ANK3: variants seen among roughly 807,000 people sequenced by gnomAD.
ANK3 encodes the protein ankyrin-3.
ANK3 carries 57 observed loss-of-function variants against 370.9 expected under a neutral mutation model. The ratio of observed to expected loss-of-function variants is 0.15; its 90% CI spans 0.12 to 0.19. The LOEUF (loss-of-function observed/expected upper bound fraction) is 0.19, where lower values mean the gene tolerates loss of function less well. ANK3 is among the 10% of genes least tolerant of loss of function. ANK3 has a pLI of 1.00. For missense variants in ANK3, 4,439 were observed against 5,302.1 expected, an observed-to-expected ratio of 0.84 and a Z score of 5.06; for synonymous variants, 1,929 against 1,946.3, an observed-to-expected ratio of 0.99 and a Z score of 0.23.
In ANK3 at chr10:60,487,273, G is replaced by A. The variant is rs932447411; in HGVS notation, c.96+127913C>T. Among the ~76,000 whole-genome samples, 3 of 152,156 alleles carry A rather than the reference G, an allele frequency of 2.0e-5. No individual in the cohort carries two copies. The East Asian group carries it at 5.8e-4, about 29-fold the overall frequency. ...TACTTTGCATTAAGATAAGAGAACA[G>A]GGAGTGGTATGAAGGAAATAAACTA... On this transcript the variant is annotated intron_variant, in intron 2 of 43. Transcript: ENST00000373827.
chr10:60,546,477 A>G (rs2076967733), intron 2 of ANK3, among the ~76,000 whole-genome samples: 1 of 152,246 alleles, frequency 6.6e-6, no homozygotes, highest in African/African-American at 2.4e-5. Flanking sequence ...AAAAGGATCT[A>G]CAGAAATGAC....
intron 2 of ANK3, among the ~76,000 whole-genome samples, chr10:60,521,768 AG>A (rs776426360): frequency 1.2e-4 from 18 of 152,138 alleles, no homozygotes; most frequent in Non-Finnish European, 2.4e-4. Flanking sequence ...AGTTGTGAAA[AG>A]GGTTGCCTTA....
At chr10:60,508,946 T>G (rs757511221) in intron 2 of ANK3, among the ~76,000 whole-genome samples, 17 of 152,178 alleles carry the variant, frequency 1.1e-4, no homozygotes, top group Non-Finnish European at 1.9e-4. Flanking sequence ...TCGCTTAAGA[T>G]CTTGAGGATG....
At chr10:60,475,531 A>G (rs1437183602) in intron 2 of ANK3, among the ~76,000 whole-genome samples, 1 of 152,224 alleles carries the variant, frequency 6.6e-6, no homozygotes, top group African/African-American at 2.4e-5. Context: ...CTAGATCTGT[A>G]TTATACACAA....
intron 23 of ANK3, among the ~76,000 whole-genome samples, chr10:60,157,611 T>G (rs2132268479): frequency 6.6e-6 from 1 of 152,044 alleles, no homozygotes; most frequent in Non-Finnish European, 1.5e-5. Context: ...TAACAGAGAT[T>G]AAAATAATTT....
intron 2 of ANK3, among the ~76,000 whole-genome samples, chr10:60,554,567 T>C (rs1048396150): frequency 3.9e-5 from 6 of 152,278 alleles, no homozygotes; most frequent in Admixed American, 1.3e-4. Context: ...AGTAAATGAA[T>C]GCATTCTAAA....
chr10:60,663,058 C>T (rs1002507996), intron 1 of ANK3, among the ~76,000 whole-genome samples: 9 of 152,160 alleles, frequency 5.9e-5, no homozygotes, highest in African/African-American at 2.2e-4. Flanking sequence ...AGTCTTTTCT[C>T]CTCCATGAAC....
At chr10:60,715,909 C>T (rs1449152918) in intron 1 of ANK3, among the ~76,000 whole-genome samples, 9 of 16,318 alleles carry the variant, frequency 5.5e-4, no homozygotes, top group Admixed American at 3.2e-3. Flanking sequence ...GACTCTTCTT[C>T]AAGAAATATT....
chr10:60,677,106 C>CA (rs2079135230), intron 1 of ANK3, among the ~76,000 whole-genome samples: 1 of 152,106 alleles, frequency 6.6e-6, no homozygotes, highest in Non-Finnish European at 1.5e-5. Context: ...GACAGGTTCC[C>CA]AGAGCAGAGG....
intron 1 of ANK3, among the ~76,000 whole-genome samples, chr10:60,726,110 G>A (rs1005501134): frequency 1.3e-5 from 2 of 152,104 alleles, no homozygotes; most frequent in Non-Finnish European, 1.5e-5. Context: ...CAGAAGAACA[G>A]CTCCTATTTA....
intron 1 of ANK3, among the ~76,000 whole-genome samples, chr10:60,354,872 T>C (rs1407804985): frequency 6.6e-6 from 1 of 152,200 alleles, no homozygotes; most frequent in Non-Finnish European, 1.5e-5. Context: ...TTTTCTTTTG[T>C]ATTTTTTGAT....
At chr10:60,240,034 T>C (rs1336081919) in intron 7 of ANK3, among the ~76,000 whole-genome samples, 2 of 143,822 alleles carry the variant, frequency 1.4e-5, no homozygotes, top group Non-Finnish European at 3.0e-5. Flanking sequence ...CACATATATA[T>C]ACACATATAT....
intron 23 of ANK3, among the ~76,000 whole-genome samples, chr10:60,165,103 A>G (rs11814110): frequency 0.58 from 88,526 of 152,016 alleles, 26,004 homozygotes; most frequent in Middle Eastern, 0.64. Flanking sequence ...CCTCTCATCA[A>G]TGGGGATAAT....
At chr10:60,524,147 A>G (rs1404575820) in intron 2 of ANK3, among the ~76,000 whole-genome samples, 1 of 152,126 alleles carries the variant, frequency 6.6e-6, no homozygotes, top group African/African-American at 2.4e-5. Context: ...TGGTATAACC[A>G]AAGAGTTACA....
chr10:60,160,073 A>T (rs1175756871), intron 23 of ANK3, among the ~76,000 whole-genome samples: 1 of 152,084 alleles, frequency 6.6e-6, no homozygotes, highest in Non-Finnish European at 1.5e-5. Flanking sequence ...TAAACATCAG[A>T]GTAGGAAAAA....
chr10:60,392,149 T>C (rs2063124518), upstream of ANK3, among the ~76,000 whole-genome samples: 1 of 152,204 alleles, frequency 6.6e-6, no homozygotes, highest in Non-Finnish European at 1.5e-5. Flanking sequence ...GCTCCTTGTG[T>C]ACTTATTCTC....
intron 2 of ANK3, among the ~76,000 whole-genome samples, chr10:60,434,330 G>A (rs1595026332): frequency 6.6e-6 from 1 of 152,040 alleles, no homozygotes; most frequent in East Asian, 1.9e-4. Flanking sequence ...TATTCAGAAG[G>A]AATATAGTCT....
chr10:60,389,848 C>A lies in ANK3; in HGVS notation c.-310G>T. On this transcript the variant is annotated 5_prime_UTR_variant, in exon 1 of 44. Transcript: ENST00000280772. ...AGAGGAAGCTGTATTATGGCTGTAT[C>A]CCCTGCCACCAGCTGGAAGTGTCTA... 1.8e-6 allele frequency: 2 copies of A among 1,089,534 alleles called. No homozygotes were observed. Among genetic ancestry groups the A allele is most frequent in the Non-Finnish European group, 2.2e-6 (2 of 897,334 alleles). The allele number at this position is 1,089,534 out of a possible 1,614,324, so 67.5% of individuals were successfully genotyped here. A position where few individuals can be genotyped will look rare whatever the true frequency, so the allele number is the denominator to read the frequency against.
At chr10:60,275,608 C>A (rs942791244) in intron 4 of ANK3, among the ~76,000 whole-genome samples, 1 of 152,106 alleles carries the variant, frequency 6.6e-6, no homozygotes, top group Non-Finnish European at 1.5e-5. Context: ...GAGGCTCAAT[C>A]TGAACCATAA....
Sources: allele counts gnomAD v4.1 joint callset (sites outside exome capture counted in the v4.1 genomes callset), GRCh38; gene constraint gnomAD v4.1.1; transcripts MANE v1.5; gene names NCBI Gene and HGNC (gene_info 2026-07-23, HGNC 2026-07-21).